Variants in DENND6A observed in about 807,000 individuals in gnomAD.
DENND6A encodes protein DENND6A.
DENND6A carries 43 observed loss-of-function variants against 95.5 expected under a neutral mutation model. That is an observed-to-expected ratio of 0.45 (90% CI 0.35 to 0.58). The LOEUF is 0.58. DENND6A is among the 20% of genes least tolerant of loss of function. The pLI is 0.00. For missense variants in DENND6A, 574 were observed against 736.0 expected, an observed-to-expected ratio of 0.78 and a Z score of 2.55; for synonymous variants, 257 against 260.4, an observed-to-expected ratio of 0.99 and a Z score of 0.13.
At chr3:57,642,207 A>T (rs1160617264) in intron 11 of DENND6A, among the ~76,000 whole-genome samples, 13 of 150,122 alleles carry the variant, frequency 8.7e-5, no homozygotes, top group Non-Finnish European at 1.5e-5. Context: ...CCAGCTACTC[A>T]GGAGGCTGAG....
At position 57,692,940 on chromosome 3, in the gene DENND6A, G is replaced by T. The variant is rs1261781100; in HGVS notation, c.79C>A (p.Arg27Ser). 2.0e-5 allele frequency: 31 copies of T among 1,553,710 alleles called. No homozygotes were observed. The highest frequency in any genetic ancestry group is 2.6e-5 in the Non-Finnish European group (30 of 1,157,102). ...LDEAVAGAEG[R>S]EAPALVAAGG... ...GCCGCCACAAGGGCCGGCGCCTCGC[G>T]GCCCTCGGCCCCTGCCACCGCTTCG... The change falls in exon 1 of 20, where the codon CGC becomes AGC. Residue 27 changes from arginine to serine, a missense_variant. Coordinates refer to ENST00000311128, the MANE Select transcript of DENND6A (RefSeq NM_152678.3).
chr3:57,644,364 G>A (rs1361971977), intron 11 of DENND6A, among the ~76,000 whole-genome samples: 2 of 151,952 alleles, frequency 1.3e-5, no homozygotes, highest in African/African-American at 4.8e-5. Context: ...GGAGTCCAGT[G>A]GCACGATCTG....
intron 18 of DENND6A, among the ~76,000 whole-genome samples, chr3:57,630,002 G>A (rs934238874): frequency 5.9e-5 from 9 of 152,104 alleles, no homozygotes; most frequent in Non-Finnish European, 8.8e-5. Flanking sequence ...CAATTTCTGT[G>A]GTGTAGTACT....
intron 14 of DENND6A, among the ~76,000 whole-genome samples, 196 bp downstream of exon 14, chr3:57,634,362 G>A (rs967495328): frequency 2.0e-5 from 3 of 150,908 alleles, no homozygotes; most frequent in African/African-American, 7.3e-5. Context: ...GAACCCGGGA[G>A]GTGGAGGTTG....
At chr3:57,660,231 G>A (rs1048805834) in intron 7 of DENND6A, among the ~76,000 whole-genome samples, 8 of 144,560 alleles carry the variant, frequency 5.5e-5, no homozygotes, top group African/African-American at 2.1e-4. Flanking sequence ...TCTCGCTTTT[G>A]TCCTGCAGGC....
At chr3:57,681,376 A>G (rs2077162841) in intron 1 of DENND6A, among the ~76,000 whole-genome samples, 3 of 151,916 alleles carry the variant, frequency 2.0e-5, no homozygotes, top group African/African-American at 7.2e-5. Context: ...AGGCAGGAGA[A>G]TGGCATGAAC....
At chr3:57,680,579 CAG>C (rs2077155684) in intron 1 of DENND6A, among the ~76,000 whole-genome samples, 1 of 152,182 alleles carries the variant, frequency 6.6e-6, no homozygotes, top group South Asian at 2.1e-4. Context: ...GAGAAATAAA[CAG>C]ATATTGTTTA....
chr3:57,672,182 T>G (rs575827403), intron 3 of DENND6A, 74 bp downstream of exon 3: 4 of 1,368,990 alleles, frequency 2.9e-6, no homozygotes, highest in Admixed American at 2.3e-5. Context: ...TTTCAATCAA[T>G]TTTCATACAT....
intron 3 of DENND6A, among the ~76,000 whole-genome samples, chr3:57,668,802 T>C (rs964884601): frequency 2.6e-5 from 4 of 152,358 alleles, no homozygotes; most frequent in African/African-American, 9.6e-5. Flanking sequence ...TGCTCTACTG[T>C]GTCTGGACTT....
chr3:57,645,677 T>C lies in DENND6A; in HGVS notation c.1021A>G (p.Thr341Ala), dbSNP rs750313194. 2.5e-6 allele frequency: 4 copies of C among 1,612,510 alleles called. No individual in the cohort carries two copies. In the South Asian group the frequency reaches 4.4e-5, roughly 18 times the overall value. ...IHDSEFKEYT[T>A]RTQAPPSVIL... ...TTTACTTACGGAGCTTGGGTACGGG[T>C]AGTATATTCTTTGAATTCACTATCA... The change falls in exon 11 of 20, where the codon ACC becomes GCC. Residue 341 changes from threonine (T) to alanine (A), a missense_variant. Thr to Ala is a moderately conservative substitution (Grantham distance 58). This residue lies in a region of DENND6A where 452 missense variants were observed against 630.9 expected (regional missense o/e 0.72). Transcript: ENST00000311128.
chr3:57,628,920 C>A, intron 18 of DENND6A, 35 bp from the exon 19 acceptor site: 2 of 1,575,186 alleles, frequency 1.3e-6, no homozygotes, highest in South Asian at 2.3e-5. Context: ...AGTAAGTTCT[C>A]AAAATAATAT....
Position 57,654,605 on chromosome 3 carries a change from T to C in DENND6A, c.818+3075A>G, listed in dbSNP as rs182129059. On this transcript the variant is annotated intron_variant, in intron 9 of 19. Coordinates refer to ENST00000311128, the MANE Select transcript of DENND6A (RefSeq NM_152678.3). The stretch of plus-strand genomic sequence containing the variant: ...TGTCCCTGACTCTAAGGCAAGAAAA[T>C]GTCTATTTCTTTCAACAGAAAACTG... The C allele has an allele frequency of 1.1e-5, 11 of 977,770 alleles. No individual in the cohort carries two copies. The Admixed American group carries it at 2.5e-4, about 22-fold the overall frequency. The allele number at this position is 977,770 out of a possible 1,614,324, so 60.6% of individuals were successfully genotyped here.
chr3:57,643,694 G>A (rs1322208503), intron 11 of DENND6A, among the ~76,000 whole-genome samples: 1 of 151,872 alleles, frequency 6.6e-6, no homozygotes, highest in African/African-American at 2.4e-5. Context: ...GGGTGTGGTG[G>A]TGCATGCCTG....
chr3:57,653,796 A>C (rs1438601020), intron 9 of DENND6A, among the ~76,000 whole-genome samples: 2 of 148,770 alleles, frequency 1.3e-5, no homozygotes, highest in Admixed American at 6.7e-5. Flanking sequence ...GCAGTATAGG[A>C]TTACTGAAAT....
chr3:57,671,280 T>C (rs916956729), intron 3 of DENND6A, among the ~76,000 whole-genome samples: 2 of 152,148 alleles, frequency 1.3e-5, no homozygotes, highest in Non-Finnish European at 2.9e-5. Context: ...ATCCCAGGAC[T>C]TTGGGAGGCC....
At chr3:57,636,323 CCAGTAATAATTTTAAA>C (rs964539709) in intron 12 of DENND6A, among the ~76,000 whole-genome samples, 14 of 151,914 alleles carry the variant, frequency 9.2e-5, no homozygotes, top group Non-Finnish European at 1.9e-4. Context: ...GTCAACTGTC[CCAGTAATAATTTTAAA>C]CAGATACTTG....
chr3:57,673,730 GT>G (rs897813084), intron 1 of DENND6A, among the ~76,000 whole-genome samples: 35 of 151,934 alleles, frequency 2.3e-4, no homozygotes, highest in Admixed American at 1.3e-3. Context: ...CAATAATGAA[GT>G]TTTTTTTGTG....
rs752743371 is a variant in DENND6A, at chr3:57,661,468, C to G, written c.597G>C (p.Lys199Asn). ...TACCTGCTTCCAAATAAGGTTCATTCTTTTCAAAATACTCTGGTGCTATCT... is the reference window on the plus strand; with the variant it reads ...TACCTGCTTCCAAATAAGGTTCATTGTTTTCAAAATACTCTGGTGCTATCT... ...LKQIAPEYFE[K>N]NEPYLEAACN... Residue 199 changes from lysine to asparagine, a missense_variant, in exon 6 of 20, where the codon AAG (lysine) becomes AAC (asparagine). Coordinates refer to ENST00000311128, the MANE Select transcript of DENND6A (RefSeq NM_152678.3). 1 of 1,572,532 alleles carries G rather than the reference C, an allele frequency of 6.4e-7. No homozygotes were observed. The highest frequency in any genetic ancestry group is 8.5e-7 in the Non-Finnish European group (1 of 1,169,766).
intron 9 of DENND6A, among the ~76,000 whole-genome samples, chr3:57,647,233 A>G (rs1376793368): frequency 2.6e-5 from 4 of 152,338 alleles, no homozygotes; most frequent in African/African-American, 9.6e-5. Context: ...AAATTATGAG[A>G]TGGAAATTAG....
Sources: allele counts gnomAD v4.1 joint callset (sites outside exome capture counted in the v4.1 genomes callset), GRCh38; gene constraint gnomAD v4.1.1; regional missense constraint gnomAD v4.1.1; transcripts MANE v1.5; gene names NCBI Gene and HGNC (gene_info 2026-07-23, HGNC 2026-07-21).